Variants in PCDHGB2 observed in about 807,000 individuals in gnomAD.
The protein encoded by PCDHGB2 is protocadherin gamma-B2.
Under a neutral mutation model 59.3 loss-of-function variants are expected in PCDHGB2, and 55 were observed. The ratio of observed to expected loss-of-function variants is 0.93; its 90% CI spans 0.75 to 1.16. PCDHGB2 has a LOEUF of 1.16. Ranked by LOEUF, PCDHGB2 falls within the 50% of genes most tolerant of loss-of-function variation. PCDHGB2 has a pLI of 0.00. For synonymous variants in PCDHGB2, 516 were observed against 512.0 expected (o/e 1.01, Z -0.11); for missense variants, 1,228 against 1,198.5 (o/e 1.02, Z -0.36).
At chr5:141,429,726 C>T (rs931967000) in intron 1 of PCDHGB2, among the ~76,000 whole-genome samples, 23 of 152,068 alleles carry the variant, frequency 1.5e-4, no homozygotes, top group Admixed American at 1.3e-4. Flanking sequence ...CATGAAAGTA[C>T]GTAGCCAGTT....
At chr5:141,500,370 G>C (rs766183384) in intron 2 of PCDHGB2, among the ~76,000 whole-genome samples, 1 of 151,644 alleles carries the variant, frequency 6.6e-6, no homozygotes, top group Non-Finnish European at 1.5e-5. Flanking sequence ...TACCACGCCC[G>C]GCTAATTATT....
At chr5:141,508,737 C>G (rs919094477) in intron 3 of PCDHGB2, among the ~76,000 whole-genome samples, 2 of 152,010 alleles carry the variant, frequency 1.3e-5, no homozygotes, top group Non-Finnish European at 2.9e-5. Flanking sequence ...CTACACCCCC[C>G]ACCCCGCTCT....
chr5:141,445,389 C>T (rs1484183450), intron 1 of PCDHGB2, among the ~76,000 whole-genome samples: 1 of 152,174 alleles, frequency 6.6e-6, no homozygotes, highest in Non-Finnish European at 1.5e-5. Flanking sequence ...CATTCATTTA[C>T]ATAACAAATA....
intron 1 of PCDHGB2, chr5:141,413,586 C>G (rs2095657085): frequency 2.5e-6 from 4 of 1,613,724 alleles, no homozygotes; most frequent in Admixed American, 1.7e-5. Context: ...CTCCAAAATT[C>G]CAAGCAGAAA....
At position 141,372,683 on chromosome 5, in the gene PCDHGB2, C is replaced by T. The variant is rs764987054; in HGVS notation, c.2421+10127C>T. On this transcript the variant is annotated intron_variant, in intron 1 of 3. Coordinates refer to ENST00000522605, the MANE Select transcript of PCDHGB2 (RefSeq NM_018923.3). The stretch of plus-strand genomic sequence containing the variant: ...GTGCTGCCTCACATTCCTCAAACAC[C>T]GAGTTTAAATTTCTCAATATAAAGG... The T allele has an allele frequency of 1.9e-6, 3 of 1,613,826 alleles. No homozygotes were observed. In the African/African-American group the frequency reaches 4.0e-5, roughly 22 times the overall value.
intron 1 of PCDHGB2, among the ~76,000 whole-genome samples, chr5:141,447,896 G>C (rs2098554754): frequency 6.6e-6 from 1 of 152,022 alleles, no homozygotes; most frequent in African/African-American, 2.4e-5. Flanking sequence ...GACCAGCCTG[G>C]CCAACATGGT....
intron 1 of PCDHGB2, chr5:141,419,197 T>C (rs560134083): frequency 1.2e-6 from 2 of 1,613,966 alleles, no homozygotes; most frequent in South Asian, 1.1e-5. Flanking sequence ...CTGACGTCAA[T>C]GACAACGCGC....
intron 1 of PCDHGB2, chr5:141,389,157 C>G: frequency 6.2e-7 from 1 of 1,613,976 alleles, no homozygotes; most frequent in African/African-American, 1.3e-5. Flanking sequence ...GGCAACAGAT[C>G]GGGGCAAGCC....
intron 1 of PCDHGB2, chr5:141,403,542 A>T (rs561106024): frequency 1.2e-6 from 2 of 1,613,990 alleles, no homozygotes; most frequent in East Asian, 4.5e-5. Context: ...CTGGTGCTGG[A>T]GCGCGCCCTG....
chr5:141,419,591 G>A lies in PCDHGB2; in HGVS notation c.2421+57035G>A, dbSNP rs574335266. The A allele has an allele frequency of 2.2e-5, 35 of 1,611,826 alleles. No individual in the cohort carries two copies. The African/African-American group carries it at 4.0e-4, about 18-fold the overall frequency. On this transcript the variant is annotated intron_variant, in intron 1 of 3. Coordinates refer to ENST00000522605, the MANE Select transcript of PCDHGB2 (RefSeq NM_018923.3). ...CGACGGCTCCGCGCTCTTCGACACA[G>A]TGCCGCGGGCCGCGCAGCCAGGCTA...
intron 1 of PCDHGB2, chr5:141,478,131 A>G (rs747801474): frequency 6.2e-7 from 1 of 1,614,064 alleles, no homozygotes; most frequent in Non-Finnish European, 8.5e-7. Flanking sequence ...GACTCTCCTG[A>G]AGCCCGAGCC....
chr5:141,360,285 C>T lies in PCDHGB2; in HGVS notation c.150C>T (p.Leu50=). 1.2e-6 allele frequency: 2 copies of T among 1,613,972 alleles called. No individual in the cohort carries two copies. The highest frequency in any genetic ancestry group is 1.7e-6 in the Non-Finnish European group (2 of 1,179,898). ...CCAAAAACTCGGTCGTAGGAAACCTCGCCAAGGATCTGGGGCTCAGCGTCC... is the reference window on the plus strand; with the variant it reads ...CCAAAAACTCGGTCGTAGGAAACCTTGCCAAGGATCTGGGGCTCAGCGTCC... The part of the protein sequence containing the change: ...ELAKNSVVGN[L]AKDLGLSVRD... The change falls in exon 1 of 4, where the codon CTC becomes CTT. Residue 50 remains leucine, a synonymous_variant. Coordinates refer to ENST00000522605, the MANE Select transcript of PCDHGB2 (RefSeq NM_018923.3).
chr5:141,376,416 C>T (rs1450125576), intron 1 of PCDHGB2: 1 of 1,614,216 alleles, frequency 6.2e-7, no homozygotes, highest in Non-Finnish European at 8.5e-7. Context: ...TATGCCGACA[C>T]GCTTATCAAC....
chr5:141,454,796 A>ATTTTTCT (rs2098799790), intron 1 of PCDHGB2, among the ~76,000 whole-genome samples: 1 of 77,408 alleles, frequency 1.3e-5, no homozygotes, highest in African/African-American at 5.9e-5. Context: ...CATGGTTCTA[A>ATTTTTCT]TTTTTTTTTT....
chr5:141,361,139 T>C lies in PCDHGB2; in HGVS notation c.1004T>C (p.Val335Ala), dbSNP rs1305491971. 10 of 1,613,760 alleles carry C rather than the reference T, an allele frequency of 6.2e-6. No individual in the cohort carries two copies. The highest frequency in any genetic ancestry group is 1.7e-5 in the Admixed American group (1 of 59,978). Residue 335 changes from valine (V) to alanine (A), a missense_variant, in exon 1 of 4, where the codon GTT (valine) becomes GCT (alanine). Physicochemically the swap from Val to Ala is moderately conservative, Grantham distance 64 (BLOSUM62 0). Transcript: ENST00000522605. ...GDLAAHCSIQVEILDDNDCAP... is the reference protein window; with the variant it reads ...GDLAAHCSIQAEILDDNDCAP... ...CTAGCAGCCCACTGCAGTATCCAAG[T>C]TGAAATTCTTGATGACAACGATTGT... is the stretch of plus-strand genomic sequence containing the variant.
chr5:141,413,343 G>A, intron 1 of PCDHGB2: 12 of 1,613,994 alleles, frequency 7.4e-6, no homozygotes, highest in Non-Finnish European at 1.0e-5. Context: ...CCAAGGACTT[G>A]GGTCTGGCGC....
intron 1 of PCDHGB2, among the ~76,000 whole-genome samples, chr5:141,469,568 T>C (rs942597017): frequency 6.6e-6 from 1 of 152,184 alleles, no homozygotes. Flanking sequence ...AGTGAGACTC[T>C]GTCTCTAAAT....
intron 1 of PCDHGB2, among the ~76,000 whole-genome samples, chr5:141,434,616 T>C (rs911085192): frequency 1.3e-5 from 2 of 152,204 alleles, no homozygotes; most frequent in East Asian, 1.9e-4. Context: ...TCCGCCCATC[T>C]CTTCGTTTCC....
At chr5:141,414,623 C>T (rs998923536) in intron 1 of PCDHGB2, 2 of 1,613,820 alleles carry the variant, frequency 1.2e-6, no homozygotes, top group African/African-American at 1.3e-5. Flanking sequence ...GCGCTGGACC[C>T]GGACAGCAAA....
Sources: gnomAD v4.1 joint callset for allele counts (sites outside exome capture counted in the v4.1 genomes callset) on GRCh38, gnomAD v4.1.1 for gene constraint, MANE v1.5 for transcripts, NCBI Gene and HGNC (gene_info 2026-07-23, HGNC 2026-07-21) for gene names.